MLIP: variants seen among roughly 807,000 people sequenced by gnomAD.
MLIP encodes muscular LMNA-interacting protein.
In MLIP, 79 loss-of-function variants were observed where a neutral mutation model predicts 84.8. The observed-to-expected ratio is 0.93, with a 90% CI of 0.78 to 1.12. MLIP has a LOEUF of 1.12. Ranked by LOEUF, MLIP falls within the 50% of genes most tolerant of loss-of-function variation. The probability of loss-of-function intolerance (pLI) is 0.00; values close to 1 mark genes in which losing one functional copy is unlikely to be tolerated. For synonymous variants in MLIP, 504 were observed against 463.0 expected, an observed-to-expected ratio of 1.09 and a Z score of -1.14; for missense variants, 1,257 against 1,160.6, an observed-to-expected ratio of 1.08 and a Z score of -1.21.
chr6:54,114,249 T>G (rs1445805615), intron 1 of MLIP, among the ~76,000 whole-genome samples: 1 of 152,224 alleles, frequency 6.6e-6, no homozygotes, highest in East Asian at 1.9e-4. Context: ...CTCCTGGTTT[T>G]AAATATCATC....
chr6:54,154,209 A>C (rs1320913890), intron 5 of MLIP, among the ~76,000 whole-genome samples: 2 of 152,158 alleles, frequency 1.3e-5, no homozygotes, highest in Non-Finnish European at 2.9e-5. Flanking sequence ...TAGGTCTCTA[A>C]AATTTCCAAT....
intron 1 of MLIP, among the ~76,000 whole-genome samples, chr6:54,036,170 GTTA>G (rs2150292586): frequency 6.6e-6 from 1 of 151,058 alleles, no homozygotes; most frequent in Non-Finnish European, 1.5e-5. Flanking sequence ...ATGTCAAAGG[GTTA>G]TTATTAGAAA....
At chr6:54,247,324 A>C (rs1782148441) in intron 12 of MLIP, among the ~76,000 whole-genome samples, 1 of 152,092 alleles carries the variant, frequency 6.6e-6, no homozygotes, top group South Asian at 2.1e-4. Flanking sequence ...TATCCTTTGA[A>C]GTTTGAATAA....
chr6:54,230,747 C>T lies in MLIP; in HGVS notation c.2752C>T (p.His918Tyr). ...VTVPPKPVSL[H>Y]PLYQTKLYPP... ...AGTCCCTCCCAAGCCTGTCTCGCTC[C>T]ATCCTTTATATCAGACTAAACTCTA... The change falls in exon 12 of 14, where the codon CAT (histidine) becomes TAT (tyrosine). Residue 918 changes from histidine (H) to tyrosine (Y), a missense_variant. Physicochemically the swap from His to Tyr is moderately conservative, Grantham distance 83 (BLOSUM62 2). Transcript: ENST00000502396. 6.2e-7 allele frequency: 1 copy of T among 1,614,120 alleles called. No homozygotes were observed. The highest frequency in any genetic ancestry group is 8.5e-7 in the Non-Finnish European group (1 of 1,179,982).
In MLIP at chr6:54,124,714, T is replaced by C. The variant is rs1189977748; in HGVS notation, c.494T>C (p.Ile165Thr). 3.7e-6 allele frequency: 6 copies of C among 1,614,002 alleles called. No individual in the cohort carries two copies. Among genetic ancestry groups the C allele is most frequent in the African/African-American group, 1.3e-5 (1 of 74,914 alleles). Reference protein sequence around the residue: ...RKVEQGPPGGIGTAAVRPKSL... With the variant: ...RKVEQGPPGGTGTAAVRPKSL... ...GTTGAACAAGGCCCCCCAGGGGGGA[T>C]TGGCACCGCAGCTGTCCGGCCCAAG... Residue 165 changes from isoleucine to threonine, a missense_variant, in exon 3 of 14, where the codon ATT becomes ACT. Physicochemically the swap from Ile to Thr is moderately conservative, Grantham distance 89. Coordinates refer to ENST00000502396, the MANE Select transcript of MLIP (RefSeq NM_001281747.2).
intron 11 of MLIP, among the ~76,000 whole-genome samples, chr6:54,219,323 T>G (rs1243840113): frequency 6.6e-6 from 1 of 151,196 alleles, no homozygotes; most frequent in Non-Finnish European, 1.5e-5. Context: ...TTTTCTCTAT[T>G]TTAAAATTTT....
intron 1 of MLIP, among the ~76,000 whole-genome samples, chr6:54,116,805 AG>A: frequency 6.6e-6 from 1 of 152,352 alleles, no homozygotes; most frequent in Non-Finnish European, 1.5e-5. Flanking sequence ...AGAAAGCTAC[AG>A]GCCAATATTC....
Position 54,180,231 on chromosome 6 carries a change from T to A in MLIP, c.2545-9639T>A, listed in dbSNP as rs148184943. ...GTGTGTTATTTGTTTCTTTTCTCTT[T>A]CTACTTTTATGATCCTTTCTTTATC... On this transcript the variant is annotated intron_variant, in intron 9 of 13. Transcript: ENST00000502396. Among the ~76,000 whole-genome samples the A allele has an allele frequency of 6.0e-4, 91 of 152,286 alleles. 1 individual carries two copies. The highest frequency in any genetic ancestry group is 2.1e-3 in the African/African-American group (89 of 41,564).
chr6:54,031,165 G>T (rs1764110708), intron 1 of MLIP, among the ~76,000 whole-genome samples: 1 of 152,026 alleles, frequency 6.6e-6, no homozygotes, highest in East Asian at 1.9e-4. Flanking sequence ...AATATTATGG[G>T]TTAAACTGTA....
chr6:54,071,606 T>C (rs1766490325), intron 1 of MLIP, among the ~76,000 whole-genome samples: 1 of 152,174 alleles, frequency 6.6e-6, no homozygotes, highest in African/African-American at 2.4e-5. Flanking sequence ...TAAATGACTT[T>C]TAAAGTTAAT....
rs1485991102 is a variant in MLIP at position 54,068,205 on chromosome 6, C to T, written c.63+49114C>T. ...AGGCTGGAATACAGTGGCATAATCT[C>T]GGCTTATTGCAACCTCCGCCTCCTG... On this transcript the variant is annotated intron_variant, in intron 1 of 12. Coordinates refer to the MLIP transcript ENST00000274897. 1.0e-4 allele frequency among the ~76,000 whole-genome samples: 9 copies of T among 89,226 alleles called. 4 individuals are homozygous for T. Among genetic ancestry groups the T allele is most frequent in the Non-Finnish European group, 2.9e-4 (9 of 31,234 alleles). The allele number at this position is 89,226 out of a possible 152,430, so 58.5% of individuals were successfully genotyped here.
chr6:54,039,164 T>A (rs956797553), intron 1 of MLIP, among the ~76,000 whole-genome samples: 5 of 152,000 alleles, frequency 3.3e-5, no homozygotes, highest in Non-Finnish European at 7.4e-5. Flanking sequence ...AATTGGAATT[T>A]CTAGTAATTT....
chr6:54,242,199 C>A (rs1481328182), intron 12 of MLIP, among the ~76,000 whole-genome samples: 3 of 152,070 alleles, frequency 2.0e-5, no homozygotes, highest in African/African-American at 7.2e-5. Context: ...TGGGAGAGGC[C>A]CCTTCACAAG....
upstream of MLIP, among the ~76,000 whole-genome samples, chr6:54,107,391 G>A (rs1000980834): frequency 1.3e-5 from 2 of 152,108 alleles, no homozygotes; most frequent in African/African-American, 2.4e-5. Flanking sequence ...TTCACATATT[G>A]TTGATGAGAT....
chr6:54,222,844 A>G (rs1313428623), intron 11 of MLIP, among the ~76,000 whole-genome samples: 3 of 152,032 alleles, frequency 2.0e-5, no homozygotes, highest in African/African-American at 2.4e-5. Flanking sequence ...CCAACAGTGT[A>G]CAAGTGTTCT....
At chr6:54,253,745 T>C (rs2150882891) in intron 12 of MLIP, among the ~76,000 whole-genome samples, 1 of 152,254 alleles carries the variant, frequency 6.6e-6, no homozygotes, top group East Asian at 1.9e-4. Flanking sequence ...TTATGTTAGT[T>C]TGGTGGCAGC....
chr6:54,117,532 T>C (rs1023149078), intron 1 of MLIP, among the ~76,000 whole-genome samples: 3 of 151,610 alleles, frequency 2.0e-5, no homozygotes, highest in African/African-American at 7.3e-5. Context: ...CTATTTCTAT[T>C]CCTCACAGGA....
intron 1 of MLIP, among the ~76,000 whole-genome samples, chr6:54,082,490 C>T (rs1767224197): frequency 6.6e-6 from 1 of 152,188 alleles, no homozygotes; most frequent in Non-Finnish European, 1.5e-5. Flanking sequence ...TTGGGGATTA[C>T]AATTCGGATT....
intron 12 of MLIP, among the ~76,000 whole-genome samples, chr6:54,249,192 T>C (rs1333917738): frequency 1.3e-5 from 2 of 151,946 alleles, no homozygotes; most frequent in East Asian, 1.9e-4. Context: ...CAATGAATTA[T>C]CCAAGTAAAA....
Sources: allele counts gnomAD v4.1 joint callset (sites outside exome capture counted in the v4.1 genomes callset), GRCh38; gene constraint gnomAD v4.1.1; transcripts MANE v1.5; gene names NCBI Gene and HGNC (gene_info 2026-07-23, HGNC 2026-07-21).